The following CPB2 variants were observed in gnomAD, a reference collection of about 807,000 sequenced individuals.
CPB2 encodes carboxypeptidase B-like protein.
CPB2 carries 54 observed loss-of-function variants against 57.0 expected under a neutral mutation model. The ratio of observed to expected loss-of-function variants is 0.95; its 90% CI spans 0.76 to 1.19. The LOEUF (loss-of-function observed/expected upper bound fraction) is 1.19, where lower values mean the gene tolerates loss of function less well. CPB2 is among the 50% of genes most tolerant of loss of function. CPB2 has a pLI of 0.00. For missense variants in CPB2, 426 were observed against 512.0 expected, an observed-to-expected ratio of 0.83 and a Z score of 1.62; for synonymous variants, 189 against 178.1, an observed-to-expected ratio of 1.06 and a Z score of -0.49.
chr13:46,089,704 G>A (rs1047880539), intron 1 of CPB2, among the ~76,000 whole-genome samples: 1 of 152,058 alleles, frequency 6.6e-6, no homozygotes, highest in African/African-American at 2.4e-5. Flanking sequence ...TGGGATTAGT[G>A]ACCTTAAAAA....
chr13:46,076,088 G>A (rs2045017815), intron 5 of CPB2, among the ~76,000 whole-genome samples: 1 of 152,174 alleles, frequency 6.6e-6, no homozygotes, highest in South Asian at 2.1e-4. Flanking sequence ...GTCCCTTGCT[G>A]GGATTTGTTG....
At chr13:46,083,497 G>C (rs373791309) in intron 3 of CPB2, among the ~76,000 whole-genome samples, 1 of 152,120 alleles carries the variant, frequency 6.6e-6, no homozygotes, top group African/African-American at 2.4e-5. Context: ...ACACAGAAGA[G>C]AGCATGGTCT....
chr13:46,078,485 C>G (rs2045057615), intron 5 of CPB2, among the ~76,000 whole-genome samples: 1 of 151,940 alleles, frequency 6.6e-6, no homozygotes, highest in South Asian at 2.1e-4. Flanking sequence ...AAGCCTTAAC[C>G]CCCTAGAGAC....
At chr13:46,077,552 A>T (rs2045042005) in intron 5 of CPB2, among the ~76,000 whole-genome samples, 1 of 152,172 alleles carries the variant, frequency 6.6e-6, no homozygotes, top group African/African-American at 2.4e-5. Flanking sequence ...ACTACCATAT[A>T]AGCCAGCAGT....
rs755626420 is a variant in CPB2, at chr13:46,104,995, G to T, written c.15C>A (p.Ser5Arg). 2.5e-6 allele frequency: 4 copies of T among 1,613,836 alleles called. No individual in the cohort carries two copies. The highest frequency in any genetic ancestry group is 2.7e-5 in the African/African-American group (2 of 74,922). The change falls in exon 1 of 11, where the codon AGC (serine) becomes AGA (arginine). Residue 5 changes from serine (S) to arginine (R), a missense_variant. Physicochemically the swap from Ser to Arg is moderately radical, Grantham distance 110. Coordinates refer to ENST00000181383, the MANE Select transcript of CPB2 (RefSeq NM_001872.5). Reference sequence around the variant, plus strand: ...GAACAATGGGTACAAGGACTGCAAGGCTGCAAAGCTTCATCCCAACAGCAA... The same window carrying T: ...GAACAATGGGTACAAGGACTGCAAGTCTGCAAAGCTTCATCCCAACAGCAA... Reference protein sequence around the residue: MKLCSLAVLVPIVLF... With the variant: MKLCRLAVLVPIVLF...
chr13:46,104,396 T>C (rs1481354048), intron 1 of CPB2, among the ~76,000 whole-genome samples: 2 of 152,248 alleles, frequency 1.3e-5, no homozygotes, highest in Non-Finnish European at 2.9e-5. Flanking sequence ...TTCTTCTAGA[T>C]AGTTTATCCT....
intron 2 of CPB2, 32 bp from the exon 3 acceptor site, chr13:46,084,375 A>T (rs1426274086): frequency 1.2e-6 from 2 of 1,612,228 alleles, no homozygotes; most frequent in African/African-American, 2.7e-5. Context: ...TGATAAAATT[A>T]AAAAAGAGTT....
intron 1 of CPB2, among the ~76,000 whole-genome samples, chr13:46,104,654 A>G (rs112079392): frequency 4.6e-5 from 7 of 152,366 alleles, no homozygotes; most frequent in African/African-American, 1.4e-4. Context: ...TACGTTTATA[A>G]AAGATTTAAT....
chr13:46,055,721 G>A (rs1037912325), intron 10 of CPB2, 41 bp downstream of exon 10: 1 of 1,200,230 alleles, frequency 8.3e-7, no homozygotes, highest in African/African-American at 1.5e-5. Context: ...GATTTCTTTA[G>A]TAGCTCAAAG....
intron 7 of CPB2, among the ~76,000 whole-genome samples, chr13:46,065,952 C>G (rs1294496108): frequency 1.3e-5 from 2 of 152,144 alleles, no homozygotes; most frequent in African/African-American, 4.8e-5. Context: ...CATTGGACAC[C>G]AAATTTGTGT....
At chr13:46,085,290 A>G (rs1413377227) in intron 2 of CPB2, among the ~76,000 whole-genome samples, 2 of 152,268 alleles carry the variant, frequency 1.3e-5, no homozygotes, top group African/African-American at 4.8e-5. Flanking sequence ...TAGAAATGAC[A>G]GAACAAGAAC....
In CPB2 at chr13:46,104,935, C is replaced by T. The variant is rs778911564; in HGVS notation, c.74+1G>A. 1.2e-6 allele frequency: 2 copies of T among 1,613,862 alleles called. No homozygotes were observed. Among genetic ancestry groups the T allele is most frequent in the East Asian group, 2.2e-5 (1 of 44,880 alleles). ...CACAGTCTAAGATTCTATTGGGTTA[C>T]CTCTGAAACGCGAAGACATGCTGCT... On this transcript the variant is annotated splice_donor_variant, in intron 1 of 10. Transcript: ENST00000181383. LOFTEE classifies it high-confidence loss of function.
At chr13:46,064,820 T>A in intron 7 of CPB2, 79 bp from the exon 8 acceptor site, 2 of 1,134,024 alleles carry the variant, frequency 1.8e-6, no homozygotes, top group Non-Finnish European at 2.6e-6. Flanking sequence ...TGAAAGTCCA[T>A]GAAGCCAGAA....
At chr13:46,100,649 G>A (rs2045423041) in intron 1 of CPB2, 2 of 152,168 alleles carry the variant, frequency 1.3e-5, no homozygotes, top group Admixed American at 1.3e-4. Context: ...ACTGGTGCCT[G>A]GCTTCTCCTG....
chr13:46,086,636 C>T (rs2045210334), intron 2 of CPB2, among the ~76,000 whole-genome samples: 1 of 152,214 alleles, frequency 6.6e-6, no homozygotes, highest in South Asian at 2.1e-4. Flanking sequence ...CTGCGGTCCA[C>T]GGGACTGGCA....
At chr13:46,075,597 G>C (rs1475007123) in intron 5 of CPB2, among the ~76,000 whole-genome samples, 1 of 152,172 alleles carries the variant, frequency 6.6e-6, no homozygotes, top group Non-Finnish European at 1.5e-5. Flanking sequence ...TGACCAAGGG[G>C]ACCCAACATT....
intron 2 of CPB2, among the ~76,000 whole-genome samples, chr13:46,084,976 G>A (rs989660939): frequency 3.3e-5 from 5 of 151,478 alleles, no homozygotes; most frequent in Non-Finnish European, 7.4e-5. Flanking sequence ...TCAGCCTCCC[G>A]GGTAGCTGGG....
At chr13:46,054,833 C>A (rs567810704) in intron 10 of CPB2, among the ~76,000 whole-genome samples, 2 of 151,734 alleles carry the variant, frequency 1.3e-5, no homozygotes, top group South Asian at 4.2e-4. Context: ...TCATTGCCAC[C>A]CCCACCTCCC....
At chr13:46,075,926 C>T (rs745413147) in intron 5 of CPB2, among the ~76,000 whole-genome samples, 26 of 152,070 alleles carry the variant, frequency 1.7e-4, no homozygotes, top group Non-Finnish European at 3.5e-4. Context: ...TCAATTTATT[C>T]AAGAGAGAAG....
Sources: gnomAD v4.1 joint callset for allele counts (sites outside exome capture counted in the v4.1 genomes callset) on GRCh38, gnomAD v4.1.1 for gene constraint, MANE v1.5 for transcripts, NCBI Gene and HGNC (gene_info 2026-07-23, HGNC 2026-07-21) for gene names.